RABGAP1L: variants seen among roughly 807,000 people sequenced by gnomAD.
RABGAP1L encodes rab GTPase-activating protein 1-like.
Under a neutral mutation model 137.7 loss-of-function variants are expected in RABGAP1L, and 63 were observed. That is an observed-to-expected ratio of 0.46 (90% confidence interval 0.37 to 0.56). The LOEUF (loss-of-function observed/expected upper bound fraction) is 0.56, where lower values mean the gene tolerates loss of function less well. RABGAP1L is among the 20% of genes least tolerant of loss of function. The pLI is 0.00. For synonymous variants in RABGAP1L, 431 were observed against 433.7 expected, an observed-to-expected ratio of 0.99 and a Z score of 0.08; for missense variants, 1,095 against 1,244.0, an observed-to-expected ratio of 0.88 and a Z score of 1.80.
chr1:174,342,343 C>T (rs1682046007), intron 11 of RABGAP1L, among the ~76,000 whole-genome samples: 1 of 152,036 alleles, frequency 6.6e-6, no homozygotes, highest in Admixed American at 6.6e-5. Flanking sequence ...AATATAATAG[C>T]ATTTTCTATT....
At chr1:174,677,598 T>C (rs910981035) in intron 14 of RABGAP1L, among the ~76,000 whole-genome samples, 4 of 152,174 alleles carry the variant, frequency 2.6e-5, no homozygotes. Context: ...TAACCCCAAA[T>C]TTTTCTGAGG....
intron 1 of RABGAP1L, among the ~76,000 whole-genome samples, chr1:174,182,707 C>T (rs1666473905): frequency 6.6e-6 from 1 of 152,150 alleles, no homozygotes. Context: ...TCCTCTCTCC[C>T]CACTTGAGTG....
At chr1:174,498,800 C>T (rs1014697135) in intron 13 of RABGAP1L, among the ~76,000 whole-genome samples, 14 of 151,976 alleles carry the variant, frequency 9.2e-5, no homozygotes, top group African/African-American at 2.7e-4. Flanking sequence ...TGTGAGCCAC[C>T]GCGCCTGGCC....
chr1:174,264,388 T>C (rs1348929990), intron 7 of RABGAP1L, among the ~76,000 whole-genome samples: 1 of 152,160 alleles, frequency 6.6e-6, no homozygotes, highest in East Asian at 1.9e-4. Flanking sequence ...TTAAGCAGTC[T>C]TTCTTCTACC....
intron 19 of RABGAP1L, among the ~76,000 whole-genome samples, chr1:174,937,784 C>T (rs1307318533): frequency 1.3e-5 from 2 of 149,770 alleles, no homozygotes; most frequent in South Asian, 2.1e-4. Flanking sequence ...GCAACCTTCA[C>T]CTCCCGGGTT....
rs1678244471 is a variant in RABGAP1L, at chr1:174,683,544, A to C, written c.1847A>C (p.Asp616Ala). The C allele has an allele frequency of 1.2e-6, 2 of 1,605,928 alleles. No homozygotes were observed. The highest frequency in any genetic ancestry group is 2.2e-5 in the South Asian group (2 of 90,852). Reference sequence around the variant, plus strand: ...TAGGCCTACTCTGTGTATGATGAAGACATTGGGTACTGTCAAGGGCAGTCT... The same window carrying C: ...TAGGCCTACTCTGTGTATGATGAAGCCATTGGGTACTGTCAAGGGCAGTCT... ...ICKAYSVYDE[D>A]IGYCQGQSFL... The change falls in exon 15 of 26, where the codon GAC becomes GCC. Residue 616 changes from aspartate to alanine, a missense_variant. Transcript: ENST00000681986.
intron 13 of RABGAP1L, among the ~76,000 whole-genome samples, chr1:174,444,674 T>G (rs1654534739): frequency 6.6e-6 from 1 of 152,086 alleles, no homozygotes; most frequent in Non-Finnish European, 1.5e-5. Context: ...TCTTGGTAGA[T>G]TGTATGTGTC....
At chr1:174,575,234 T>A (rs542758690) in intron 13 of RABGAP1L, among the ~76,000 whole-genome samples, 9 of 152,304 alleles carry the variant, frequency 5.9e-5, no homozygotes, top group Admixed American at 2.6e-4. Flanking sequence ...CTGGCCTCTT[T>A]TAAAAGTTTT....
chr1:174,179,947 G>A (rs532022129), intron 1 of RABGAP1L, among the ~76,000 whole-genome samples: 1 of 137,262 alleles, frequency 7.3e-6, no homozygotes, highest in East Asian at 1.9e-4. Context: ...ATTTGTTAAA[G>A]TCTCAGAATA....
chr1:174,322,495 A>G (rs1193784645), intron 11 of RABGAP1L, among the ~76,000 whole-genome samples: 2 of 152,152 alleles, frequency 1.3e-5, no homozygotes, highest in Non-Finnish European at 2.9e-5. Flanking sequence ...GGAAAGTAAC[A>G]TCAGTTTCTC....
chr1:174,598,080 C>T (rs1044018029), intron 13 of RABGAP1L, among the ~76,000 whole-genome samples: 1 of 151,974 alleles, frequency 6.6e-6, no homozygotes, highest in African/African-American at 2.4e-5. Context: ...GCTGTAATCC[C>T]AGAACTTTGA....
At chr1:174,503,121 G>C (rs1269586893) in intron 13 of RABGAP1L, among the ~76,000 whole-genome samples, 1 of 152,116 alleles carries the variant, frequency 6.6e-6, no homozygotes, top group Non-Finnish European at 1.5e-5. Context: ...TAGATAAGGG[G>C]TTTGCAAACT....
intron 13 of RABGAP1L, among the ~76,000 whole-genome samples, chr1:174,536,403 A>G (rs188036173): frequency 1.0e-3 from 155 of 152,204 alleles, no homozygotes; most frequent in African/African-American, 3.4e-3. Context: ...GGAGATTGAG[A>G]GAGGGAGAGA....
At chr1:174,944,274 C>CAAAAAAAAA (rs56225773) in intron 19 of RABGAP1L, among the ~76,000 whole-genome samples, 2 of 50,874 alleles carry the variant, frequency 3.9e-5, no homozygotes, top group Non-Finnish European at 7.9e-5. Context: ...AAGACTGTCT[C>CAAAAAAAAA]AAAAAAAAAA....
At chr1:174,723,869 G>A (rs1681779297) in intron 17 of RABGAP1L, among the ~76,000 whole-genome samples, 1 of 152,136 alleles carries the variant, frequency 6.6e-6, no homozygotes, top group Admixed American at 6.6e-5. Flanking sequence ...TATATAAATA[G>A]GAGGCCACTG....
chr1:174,251,002 C>G (rs547079810), intron 6 of RABGAP1L, among the ~76,000 whole-genome samples: 1 of 152,158 alleles, frequency 6.6e-6, no homozygotes, highest in Admixed American at 6.5e-5. Context: ...GGTTTCACCC[C>G]GTTGGCCAGG....
intron 15 of RABGAP1L, among the ~76,000 whole-genome samples, chr1:174,687,970 C>G (rs1678603164): frequency 1.3e-5 from 2 of 152,232 alleles, no homozygotes; most frequent in South Asian, 4.1e-4. Flanking sequence ...TTGACAATAG[C>G]TTTGTAACAT....
chr1:174,966,627 G>C (rs1243355055), intron 20 of RABGAP1L, among the ~76,000 whole-genome samples: 1 of 152,130 alleles, frequency 6.6e-6, no homozygotes, highest in African/African-American at 2.4e-5. Context: ...TTAGAAATTT[G>C]TTTTTTAGTC....
intron 20 of RABGAP1L, among the ~76,000 whole-genome samples, chr1:174,966,736 A>C (rs1669662983): frequency 6.6e-6 from 1 of 152,230 alleles, no homozygotes; most frequent in Non-Finnish European, 1.5e-5. Flanking sequence ...AAGAGCATTC[A>C]CAGTCTTCTC....
Sources: allele counts gnomAD v4.1 joint callset (sites outside exome capture counted in the v4.1 genomes callset), GRCh38; gene constraint gnomAD v4.1.1; transcripts MANE v1.5; gene names NCBI Gene and HGNC (gene_info 2026-07-23, HGNC 2026-07-21).